Variants in PREX2 observed in about 807,000 individuals in gnomAD.
The protein encoded by PREX2 is phosphatidylinositol-3,4,5-trisphosphate dependent Rac exchange factor 2.
In PREX2, 107 loss-of-function variants were observed where a neutral mutation model predicts 203.2. The ratio of observed to expected loss-of-function variants is 0.53; its 90% confidence interval spans 0.45 to 0.62. PREX2 has a LOEUF of 0.62. Ranked by LOEUF, PREX2 falls within the 20% of genes least tolerant of loss-of-function variation. The pLI, the probability that PREX2 is intolerant of heterozygous loss-of-function variation, is 0.00. For missense variants in PREX2, 1,777 were observed against 1,955.9 expected, an observed-to-expected ratio of 0.91 and a Z score of 1.72; for synonymous variants, 672 against 663.6, an observed-to-expected ratio of 1.01 and a Z score of -0.19.
chr8:68,119,542 G>C (rs1203195955), intron 28 of PREX2, 28 bp downstream of exon 28: 1 of 1,531,828 alleles, frequency 6.5e-7, no homozygotes, highest in East Asian at 2.2e-5. Context: ...TGGGGCTTTT[G>C]TTCCACAACT....
chr8:68,027,075 G>A, intron 4 of PREX2, 147 bp from the exon 5 acceptor site: 1 of 654,670 alleles, frequency 1.5e-6, no homozygotes, highest in South Asian at 1.7e-5. Context: ...CTCTCTGTGA[G>A]TGTTTGTGAC....
At position 67,970,217 on chromosome 8, in the gene PREX2, C is replaced by T. The variant is rs534900739; in HGVS notation, c.141+17682C>T. On this transcript the variant is annotated intron_variant, in intron 1 of 39. Coordinates refer to ENST00000288368, the MANE Select transcript of PREX2 (RefSeq NM_024870.4). ...TCTCGATCTGTTAATCTAAACAGAT[C>T]GAAATCTATTCCTTGGAGTCATAGC... 5.1e-4 allele frequency among the ~76,000 whole-genome samples: 77 copies of T among 152,118 alleles called. 3 individuals are homozygous for T. In the South Asian group the frequency reaches 0.015, roughly 30 times the overall value.
intron 18 of PREX2, among the ~76,000 whole-genome samples, chr8:68,085,958 A>G (rs1809675381): frequency 6.6e-6 from 1 of 152,194 alleles, no homozygotes; most frequent in African/African-American, 2.4e-5. Context: ...CGTAATATAT[A>G]GAAGCATGAA....
intron 18 of PREX2, among the ~76,000 whole-genome samples, chr8:68,086,339 T>C (rs777994852): frequency 2.0e-5 from 3 of 152,204 alleles, no homozygotes; most frequent in Non-Finnish European, 4.4e-5. Context: ...TATGGCTTTC[T>C]GAAGTGTTTG....
chr8:68,019,467 T>G, intron 2 of PREX2, 82 bp from the exon 3 acceptor site: 1 of 1,125,650 alleles, frequency 8.9e-7, no homozygotes, highest in Non-Finnish European at 1.2e-6. Context: ...GGTTTTCAGG[T>G]TGGAGAGAGA....
At chr8:68,066,823 G>A (rs983121562) in intron 11 of PREX2, among the ~76,000 whole-genome samples, 4 of 152,060 alleles carry the variant, frequency 2.6e-5, no homozygotes, top group African/African-American at 9.7e-5. Context: ...TCAAGTAGCT[G>A]TTCCCTAATC....
chr8:67,952,568 C>G (rs1471303999), intron 1 of PREX2, 33 bp downstream of exon 1: 9 of 1,593,330 alleles, frequency 5.6e-6, no homozygotes, highest in Non-Finnish European at 8.5e-7. Context: ...GGGGGACGTC[C>G]GGGCGGCGCG....
At chr8:68,013,524 A>G (rs1004906284) in intron 1 of PREX2, among the ~76,000 whole-genome samples, 1 of 152,168 alleles carries the variant, frequency 6.6e-6, no homozygotes, top group Admixed American at 6.5e-5. Context: ...CATTCCAGTG[A>G]TGCCACTACC....
chr8:68,125,102 A>T (rs925930029), intron 30 of PREX2, among the ~76,000 whole-genome samples: 1 of 152,044 alleles, frequency 6.6e-6, no homozygotes, highest in Non-Finnish European at 1.5e-5. Flanking sequence ...AATCTGTGTG[A>T]TGTCCGGTCC....
intron 19 of PREX2, 138 bp from the exon 20 acceptor site, chr8:68,090,441 C>G: frequency 1.4e-6 from 1 of 702,414 alleles, no homozygotes. Flanking sequence ...GGGCATTGCT[C>G]TCAGAACCAA....
At chr8:68,021,546 A>G (rs1462302188) in intron 3 of PREX2, among the ~76,000 whole-genome samples, 1 of 151,974 alleles carries the variant, frequency 6.6e-6, no homozygotes, top group Non-Finnish European at 1.5e-5. Flanking sequence ...GTGTTTCTCT[A>G]TTTCTATATG....
At chr8:67,959,751 G>T (rs1585654178) in intron 1 of PREX2, among the ~76,000 whole-genome samples, 1 of 152,244 alleles carries the variant, frequency 6.6e-6, no homozygotes, top group African/African-American at 2.4e-5. Context: ...GAACTGCCTG[G>T]GATGGTCTTT....
At chr8:68,047,482 TATATATATATATATATATATATATACAC>T (rs1808393886) in intron 8 of PREX2, among the ~76,000 whole-genome samples, 1 of 95,010 alleles carries the variant, frequency 1.1e-5, no homozygotes, top group African/African-American at 7.0e-5. Flanking sequence ...TATATATATA[TATATATATATATATATATATATATACAC>T]ATACATATAT....
intron 1 of PREX2, among the ~76,000 whole-genome samples, chr8:67,961,298 T>C (rs571964818): frequency 2.3e-4 from 35 of 152,036 alleles, no homozygotes; most frequent in Non-Finnish European, 3.8e-4. Flanking sequence ...ATATTTACTT[T>C]TCATGAGATA....
Position 68,235,607 on chromosome 8 carries a change from A to G in PREX2, c.*4229A>G, listed in dbSNP as rs138023577. On this transcript the variant is annotated 3_prime_UTR_variant, in exon 40 of 40. Coordinates refer to ENST00000288368, the MANE Select transcript of PREX2 (RefSeq NM_024870.4). ...AACTTTTAGTGATGAGCCTCAGCAA[A>G]GTTTCACCCTGCATGAAGCAGAACA... 6 of 152,264 alleles carry G rather than the reference A, an allele frequency of 3.9e-5. No homozygotes were observed. The East Asian group carries it at 1.2e-3, about 29-fold the overall frequency. The allele number at this position is 152,264 out of a possible 1,614,324, so 9.4% of individuals were successfully genotyped here.
chr8:68,005,635 C>T (rs1807073569), intron 1 of PREX2, among the ~76,000 whole-genome samples: 1 of 152,228 alleles, frequency 6.6e-6, no homozygotes, highest in Admixed American at 6.5e-5. Context: ...CCTAGATATT[C>T]CCATGCATCG....
intron 1 of PREX2, among the ~76,000 whole-genome samples, chr8:67,989,394 A>C (rs532370956): frequency 6.6e-6 from 1 of 152,188 alleles, no homozygotes. Context: ...TAAAATTTTC[A>C]GATCTGGTTA....
intron 37 of PREX2, among the ~76,000 whole-genome samples, chr8:68,205,629 GA>G (rs1812608324): frequency 6.6e-6 from 1 of 152,192 alleles, no homozygotes; most frequent in Admixed American, 6.5e-5. Context: ...AGGGATCAGG[GA>G]AAATATAACT....
At chr8:68,014,088 C>A (rs1168873440) in intron 1 of PREX2, among the ~76,000 whole-genome samples, 3 of 151,942 alleles carry the variant, frequency 2.0e-5, no homozygotes, top group African/African-American at 7.3e-5. Context: ...AGAATGAAGC[C>A]CATGGTGAGC....
Sources: gnomAD v4.1 joint callset for allele counts (sites outside exome capture counted in the v4.1 genomes callset) on GRCh38, gnomAD v4.1.1 for gene constraint, MANE v1.5 for transcripts, NCBI Gene and HGNC (gene_info 2026-07-23, HGNC 2026-07-21) for gene names.